Variants in ZNF117 observed in about 807,000 individuals in gnomAD.
ZNF117 encodes the protein zinc finger protein 117.
ZNF117 carries 37 observed loss-of-function variants against 41.2 expected under a neutral mutation model. The ratio of observed to expected loss-of-function variants is 0.90; its 90% CI spans 0.69 to 1.18. The LOEUF (loss-of-function observed/expected upper bound fraction) is 1.18. Ranked by LOEUF, ZNF117 falls within the 50% of genes most tolerant of loss-of-function variation. ZNF117 has a pLI of 0.00. For synonymous variants in ZNF117, 186 were observed against 186.6 expected, an observed-to-expected ratio of 1.00 and a Z score of 0.02; for missense variants, 546 against 557.5, an observed-to-expected ratio of 0.98 and a Z score of 0.21.
chr7:64,979,657 G>A, intron 2 of ZNF117, 121 bp from the exon 4 acceptor site: 1 of 714,254 alleles, frequency 1.4e-6, no homozygotes, highest in Admixed American at 3.7e-5. Flanking sequence ...AAATACCACA[G>A]GTTCTAATTC....
intron 2 of ZNF117, 73 bp from the exon 4 acceptor site, chr7:64,979,609 T>C: frequency 3.3e-6 from 4 of 1,216,176 alleles, no homozygotes; most frequent in Non-Finnish European, 4.3e-6. Context: ...ATCTAACCCA[T>C]AAAGTTACAG....
At chr7:64,981,582 A>G in intron 1 of ZNF117, 100 bp from the exon 3 acceptor site, 1 of 1,017,204 alleles carries the variant, frequency 9.8e-7, no homozygotes, top group Non-Finnish European at 1.4e-6. Flanking sequence ...ATATTCTAGT[A>G]AATTAATCCC....
chr7:64,973,815 A>G (rs1785821431), downstream of ZNF117: 1 of 151,976 alleles, frequency 6.6e-6, no homozygotes. Context: ...TAAATTCAGC[A>G]AAATTTAGCT....
At chr7:64,975,447 T>G (rs1785864396) in exon 3 of ZNF117, 1 of 151,402 alleles carries the variant, frequency 6.6e-6, no homozygotes, top group South Asian at 2.1e-4. Flanking sequence ...CCTCTCCACT[T>G]AGATTTTTAT....
intron 1 of ZNF117, among the ~76,000 whole-genome samples, chr7:64,989,446 TATATATATATATATATATATA>T (rs1786207103): frequency 5.6e-4 from 3 of 5,346 alleles, no homozygotes; most frequent in East Asian, 3.0e-3. Flanking sequence ...CTTAAAATTA[TATATATATATATATATATATA>T]TATATATATA....
downstream of ZNF117, chr7:64,972,042 A>G (rs1785793091): frequency 6.6e-6 from 1 of 152,126 alleles, no homozygotes; most frequent in African/African-American, 2.4e-5. Context: ...AATATTTTTC[A>G]AGAAAAGACA....
At position 64,987,992 on chromosome 7, in the gene ZNF117, C is replaced by T. The variant is rs182468391; in HGVS notation, c.-196+1955G>A. On this transcript the variant is annotated intron_variant, in intron 1 of 3. Transcript: ENST00000282869. ...CCTAGCAACCAAAAAAAGCCCAGGA[C>T]GAGAGAGATTCACAACTGAATTCTA... Among the ~76,000 whole-genome samples, 122 of 152,134 alleles carry T rather than the reference C, an allele frequency of 8.0e-4. 1 individual carries two copies. Among genetic ancestry groups the T allele is most frequent in the East Asian group, 3.9e-4 (2 of 5,180 alleles).
At chr7:64,984,154 C>T (rs62456468), upstream of ZNF117, among the ~76,000 whole-genome samples, 5,591 of 151,424 alleles carry the variant, frequency 0.037, 161 homozygotes, top group East Asian at 0.15. Context: ...TTTTTTGAGA[C>T]GGAGTCTTGC....
exon 3 of ZNF117, chr7:64,978,999 T>G (rs745537656): frequency 6.2e-7 from 1 of 1,613,434 alleles, no homozygotes; most frequent in South Asian, 1.1e-5. Context: ...TTTGTAGGGT[T>G]TCTCTTCAGT....
Position 64,979,542 on chromosome 7 carries a change from A to C in ZNF117, c.35-6T>G. 6.8e-7 allele frequency: 1 copy of C among 1,460,700 alleles called. No individual in the cohort carries two copies. The highest frequency in any genetic ancestry group is 9.1e-7 in the Non-Finnish European group (1 of 1,103,568). The allele number at this position is 1,460,700 out of a possible 1,614,324, so 90.5% of individuals were successfully genotyped here. Reference sequence around the variant, plus strand: ...GGCAAAATAATAAAACATAACTGAAAGAAATAAAAGTAACAAACTACTTCA... The same window carrying C: ...GGCAAAATAATAAAACATAACTGAACGAAATAAAAGTAACAAACTACTTCA... On this transcript the variant is annotated splice_polypyrimidine_tract_variant and splice_region_variant and intron_variant, in intron 2 of 2. Transcript: ENST00000620222.
At chr7:64,975,205 T>C (rs1005986644) in exon 3 of ZNF117, 7 of 151,878 alleles carry the variant, frequency 4.6e-5, no homozygotes, top group Non-Finnish European at 7.4e-5. Context: ...GAATGCACAA[T>C]TGGTCTTAAC....
exon 3 of ZNF117, chr7:64,978,952 T>C (rs1353995992): frequency 6.2e-7 from 1 of 1,613,196 alleles, no homozygotes; most frequent in African/African-American, 1.3e-5. Context: ...GTAGTAAGGG[T>C]CGATGACTGG....
upstream of ZNF117, among the ~76,000 whole-genome samples, chr7:64,985,967 A>AAAAAAAAAAAAAAAG (rs1554299672): frequency 6.7e-6 from 1 of 148,904 alleles, no homozygotes; most frequent in Non-Finnish European, 1.5e-5. Flanking sequence ...AAAAAAAAAA[A>AAAAAAAAAAAAAAAG]AAAGAAAGAA....
exon 3 of ZNF117, chr7:64,976,941 G>A (rs913355017): frequency 1.9e-6 from 1 of 529,718 alleles, no homozygotes. Flanking sequence ...AGTAAGGGTT[G>A]ATGATAGGTT....
chr7:64,990,967 T>C, exon 1 of ZNF117: 1 of 365,734 alleles, frequency 2.7e-6, no homozygotes, highest in Non-Finnish European at 4.9e-6. Context: ...AGCATCACTA[T>C]CTTCATTTAC....
At chr7:64,988,048 C>T (rs1786172907) in intron 1 of ZNF117, among the ~76,000 whole-genome samples, 1 of 152,078 alleles carries the variant, frequency 6.6e-6, no homozygotes, top group South Asian at 2.1e-4. Context: ...TGGTACCATT[C>T]CTTCTAAAAC....
intron 2 of ZNF117, 91 bp downstream of exon 3, chr7:64,981,296 A>T: frequency 1.3e-6 from 2 of 1,512,604 alleles, no homozygotes; most frequent in South Asian, 2.4e-5. Context: ...TTCCTTTGGA[A>T]CACAGCTTAC....
chr7:64,976,923 T>A (rs1333845934), exon 3 of ZNF117: 1 of 521,842 alleles, frequency 1.9e-6, no homozygotes, highest in South Asian at 1.4e-5. Flanking sequence ...ATGAATTGTC[T>A]TATGTGGAGT....
exon 1 of ZNF117, chr7:64,990,733 A>T (rs1312388191): frequency 2.0e-5 from 3 of 152,782 alleles, no homozygotes; most frequent in African/African-American, 7.2e-5. Context: ...AATTTCAAAC[A>T]GGGAAACTGA....
Sources: allele counts gnomAD v4.1 joint callset (sites outside exome capture counted in the v4.1 genomes callset), GRCh38; gene constraint gnomAD v4.1.1; transcripts MANE v1.5; gene names NCBI Gene and HGNC (gene_info 2026-07-23, HGNC 2026-07-21).